FAP: variants seen among roughly 807,000 people sequenced by gnomAD.
The protein encoded by FAP is fibroblast activation protein alpha, also known as prolyl endopeptidase FAP.
A neutral mutation model predicts 126.5 loss-of-function variants in FAP; 110 were observed. The ratio of observed to expected loss-of-function variants is 0.87; its 90% CI spans 0.74 to 1.02. The LOEUF is 1.02. Ranked by LOEUF, FAP falls within the 50% of genes least tolerant of loss-of-function variation. The pLI is 0.00. For synonymous variants in FAP, 334 were observed against 297.3 expected (o/e 1.12, Z -1.27); for missense variants, 919 against 909.2 (o/e 1.01, Z -0.14).
intron 2 of FAP, among the ~76,000 whole-genome samples, chr2:162,238,814 A>T (rs1576204829): frequency 6.6e-6 from 1 of 152,200 alleles, no homozygotes; most frequent in Admixed American, 6.5e-5. Flanking sequence ...TTACAGTAGT[A>T]ATAGAATACT....
chr2:162,218,638 A>G (rs763503650), intron 8 of FAP, among the ~76,000 whole-genome samples: 3 of 151,990 alleles, frequency 2.0e-5, no homozygotes, highest in East Asian at 1.9e-4. Context: ...TTAAAGTCCA[A>G]TTAAGTCCTG....
intron 12 of FAP, among the ~76,000 whole-genome samples, chr2:162,208,024 G>A (rs191507770): frequency 3.1e-3 from 470 of 151,928 alleles, no homozygotes; most frequent in Non-Finnish European, 5.1e-3. Flanking sequence ...TTGGGAGGCC[G>A]AGGCAGGCGG....
Position 162,195,066 on chromosome 2 carries a change from A to C in FAP, c.1403-318T>G, listed in dbSNP as rs1688200893. The C allele has an allele frequency of 8.4e-5, 30 of 357,844 alleles. 1 individual carries two copies. The South Asian group carries it at 9.1e-4, about 11-fold the overall frequency. 22.2% of individuals were successfully genotyped at this position (357,844 alleles called of 1,614,324 possible). On this transcript the variant is annotated intron_variant, in intron 16 of 25. Transcript: ENST00000188790. Reference sequence around the variant, plus strand: ...CAGTGACAAATGGCCTTCTGGGAAGATGTCATGCTGTATTGGGCCAGTTTT... The same window carrying C: ...CAGTGACAAATGGCCTTCTGGGAAGCTGTCATGCTGTATTGGGCCAGTTTT...
chr2:162,242,876 G>C (rs771726322), intron 2 of FAP, 32 bp downstream of exon 2: 15 of 1,535,262 alleles, frequency 9.8e-6, no homozygotes, highest in Non-Finnish European at 1.4e-5. Flanking sequence ...AGCTATTCTA[G>C]GCAGATAGAG....
intron 17 of FAP, among the ~76,000 whole-genome samples, chr2:162,190,734 T>C (rs912583973): frequency 3.3e-5 from 5 of 152,116 alleles, no homozygotes; most frequent in Non-Finnish European, 7.4e-5. Context: ...CTACAAAAGA[T>C]GTCCATGGAC....
intron 25 of FAP, chr2:162,172,463 C>A (rs1249754783): frequency 1.0e-5 from 2 of 192,324 alleles, no homozygotes; most frequent in Non-Finnish European, 2.2e-5. Flanking sequence ...ACAGAATCTT[C>A]TAGCTGTTTA....
rs755810782 is a variant in FAP, at chr2:162,198,905, T to C, written c.1278-24A>G. The C allele has an allele frequency of 7.5e-6, 12 of 1,608,422 alleles. No individual in the cohort carries two copies. In the South Asian group the frequency reaches 1.3e-4, roughly 18 times the overall value. ...TTCTAGAGGGAAATGAAAATAAAACTAAGCTGAAATTTTGAGATTGTATTT... is the reference window on the plus strand; with the variant it reads ...TTCTAGAGGGAAATGAAAATAAAACCAAGCTGAAATTTTGAGATTGTATTT... On this transcript the variant is annotated intron_variant, in intron 15 of 25. Coordinates refer to ENST00000188790, the MANE Select transcript of FAP (RefSeq NM_004460.5).
chr2:162,233,974 C>T (rs552380993), intron 2 of FAP, among the ~76,000 whole-genome samples: 6 of 152,052 alleles, frequency 3.9e-5, no homozygotes, highest in Admixed American at 2.0e-4. Flanking sequence ...AGACTTTTCC[C>T]GTTGAATTGT....
chr2:162,177,193 G>A (rs987933600), intron 21 of FAP, among the ~76,000 whole-genome samples: 1 of 152,118 alleles, frequency 6.6e-6, no homozygotes. Flanking sequence ...GCACTTAGAC[G>A]CCTTGCCATT....
intron 20 of FAP, among the ~76,000 whole-genome samples, chr2:162,183,935 GA>G (rs1255094353): frequency 6.6e-6 from 1 of 152,124 alleles, no homozygotes; most frequent in East Asian, 1.9e-4. Context: ...ACATTTGAGA[GA>G]AATATACAAC....
In FAP at chr2:162,200,553, G is replaced by A. The variant is rs766854603; in HGVS notation, c.1277+13C>T. On this transcript the variant is annotated intron_variant, in intron 15 of 25. Transcript: ENST00000188790. ...AACACATAGAAATACCAGAATGAAT[G>A]GACATAAATTACCTGTAGATGTTTC... 7.7e-6 allele frequency: 11 copies of A among 1,430,190 alleles called. No homozygotes were observed. The South Asian group carries it at 8.6e-5, about 11-fold the overall frequency. 88.6% of individuals were successfully genotyped at this position (1,430,190 alleles called of 1,614,324 possible).
intron 21 of FAP, chr2:162,176,660 C>G (rs912141776): frequency 6.6e-6 from 1 of 151,998 alleles, no homozygotes; most frequent in African/African-American, 2.4e-5. Flanking sequence ...AGCCAGAGAC[C>G]TTTAGAAAAA....
intron 12 of FAP, among the ~76,000 whole-genome samples, chr2:162,203,521 C>A (rs1688579412): frequency 6.6e-6 from 1 of 152,226 alleles, no homozygotes; most frequent in Non-Finnish European, 1.5e-5. Context: ...GTCTGATGCT[C>A]ATTGACTATA....
intron 21 of FAP, among the ~76,000 whole-genome samples, chr2:162,178,505 C>T (rs1051645658): frequency 2.0e-5 from 3 of 152,104 alleles, no homozygotes; most frequent in African/African-American, 2.4e-5. Flanking sequence ...TGCCTCCAGA[C>T]GTTGTCAAAT....
chr2:162,178,552 G>T (rs1468307434), intron 21 of FAP, among the ~76,000 whole-genome samples: 1 of 152,186 alleles, frequency 6.6e-6, no homozygotes, highest in African/African-American at 2.4e-5. Context: ...AACAACCACT[G>T]CCATAAACTG....
At chr2:162,223,697 T>C in intron 5 of FAP, 37 bp from the exon 6 acceptor site, 1 of 1,426,594 alleles carries the variant, frequency 7.0e-7, no homozygotes, top group Non-Finnish European at 9.9e-7. Context: ...CAAATTGCAG[T>C]TGTTAAAAAG....
At chr2:162,185,204 T>A (rs1687822815) in intron 20 of FAP, among the ~76,000 whole-genome samples, 1 of 152,206 alleles carries the variant, frequency 6.6e-6, no homozygotes. Context: ...TCTTGGAGTC[T>A]GGATTGAACT....
chr2:162,182,050 G>A (rs922241301), intron 21 of FAP, among the ~76,000 whole-genome samples: 3 of 152,148 alleles, frequency 2.0e-5, no homozygotes, highest in Admixed American at 6.5e-5. Flanking sequence ...GGGTTCTAAT[G>A]TACTATTTCA....
chr2:162,183,399 T>C lies in FAP; in HGVS notation c.1869+15A>G. On this transcript the variant is annotated intron_variant, in intron 21 of 25. Transcript: ENST00000188790. ...TGAACTGAATAACAGGCATAAAAAA[T>C]ATAAAACAACTCACCCAGCCCCATA... 1.3e-6 allele frequency: 2 copies of C among 1,590,588 alleles called. No individual in the cohort carries two copies. Among genetic ancestry groups the C allele is most frequent in the Non-Finnish European group, 1.7e-6 (2 of 1,161,760 alleles).
Sources: gnomAD v4.1 joint callset for allele counts (sites outside exome capture counted in the v4.1 genomes callset) on GRCh38, gnomAD v4.1.1 for gene constraint, MANE v1.5 for transcripts, NCBI Gene and HGNC (gene_info 2026-07-23, HGNC 2026-07-21) for gene names.